NF1: variants seen among roughly 807,000 people sequenced by gnomAD.
NF1 encodes neurofibromin.
Under a neutral mutation model 325.7 loss-of-function variants are expected in NF1, and 122 were observed. The observed-to-expected ratio is 0.37, with a 90% confidence interval of 0.32 to 0.44. The LOEUF (loss-of-function observed/expected upper bound fraction) is 0.44, where lower values mean the gene tolerates loss of function less well. Ranked by LOEUF, NF1 falls within the 20% of genes least tolerant of loss-of-function variation. The probability of loss-of-function intolerance (pLI) is 1.00; values close to 1 mark genes in which losing one functional copy is unlikely to be tolerated. For synonymous variants in NF1, 1,091 were observed against 1,186.0 expected (o/e 0.92, Z 1.65); for missense variants, 2,140 against 3,415.4 (o/e 0.63, Z 9.31).
At chr17:31,192,386 C>G (rs2952990) in intron 8 of NF1, among the ~76,000 whole-genome samples, 106,693 of 152,024 alleles carry the variant, frequency 0.7, 37,692 homozygotes, top group Middle Eastern at 0.84. Context: ...TAGAAAGGCG[C>G]GACAACTCAA....
At chr17:31,341,645 A>C (rs1294617425) in intron 47 of NF1, among the ~76,000 whole-genome samples, 4 of 150,012 alleles carry the variant, frequency 2.7e-5, no homozygotes, top group Non-Finnish European at 5.9e-5. Context: ...TGTAAAATCC[A>C]ACTCCAATTA....
At position 31,285,877 on chromosome 17, in the gene NF1, C is replaced by G. The variant is rs368638917; in HGVS notation, c.4835+20538C>G. ...CTTAGTGGTATTTGAAAGGAACAGC[C>G]CCAGAGTTGTTTTCAGTAACGATGG... On this transcript the variant is annotated intron_variant, in intron 36 of 57. Coordinates refer to ENST00000358273, the MANE Select transcript of NF1 (RefSeq NM_001042492.3). Among the ~76,000 whole-genome samples the G allele has an allele frequency of 2.0e-5, 3 of 152,056 alleles. No individual in the cohort carries two copies. The East Asian group carries it at 5.8e-4, about 29-fold the overall frequency.
intron 36 of NF1, among the ~76,000 whole-genome samples, chr17:31,291,534 A>G (rs1358666448): frequency 6.6e-6 from 1 of 152,208 alleles, no homozygotes; most frequent in African/African-American, 2.4e-5. Flanking sequence ...TAATAGAAAT[A>G]TGTTATTCTT....
chr17:31,186,934 G>A (rs995382702), intron 8 of NF1, among the ~76,000 whole-genome samples: 2 of 152,308 alleles, frequency 1.3e-5, no homozygotes, highest in Middle Eastern at 3.4e-3. Context: ...ATTCCTCAGG[G>A]TGATCAGCCA....
intron 51 of NF1, 118 bp from the exon 52 acceptor site, chr17:31,356,338 GCTTT>G (rs1408882136): frequency 1.0e-5 from 10 of 975,304 alleles, no homozygotes; most frequent in African/African-American, 8.1e-5. Context: ...ATGTATTAGA[GCTTT>G]CTTTGAGTCC....
At chr17:31,304,492 A>G in intron 36 of NF1, 1 of 1,614,134 alleles carries the variant, frequency 6.2e-7, no homozygotes, top group Non-Finnish European at 8.5e-7. Context: ...AGATGGAGGG[A>G]GACTAGTAGA....
chr17:31,267,496 G>T (rs1412176987), intron 36 of NF1, among the ~76,000 whole-genome samples: 1 of 151,924 alleles, frequency 6.6e-6, no homozygotes, highest in Non-Finnish European at 1.5e-5. Context: ...TTTTCACCTG[G>T]TGTGAAGCCT....
chr17:31,359,014 A>C lies in NF1; in HGVS notation c.8159A>C (p.Lys2720Thr). 6.2e-7 allele frequency: 1 copy of C among 1,613,548 alleles called. No homozygotes were observed. The highest frequency in any genetic ancestry group is 8.5e-7 in the Non-Finnish European group (1 of 1,179,658). ...TGGCGGTTTGCAGGACCGTTTTCAA[A>C]GGTAAGAAAATATATTTTTCTCTAA... ...GLWRFAGPFS[K>T]QTQIPDYAEL... Residue 2720 changes from lysine (K) to threonine (T), a missense_variant and splice_region_variant, in exon 56 of 58, where the codon AAG becomes ACG. Transcript: ENST00000358273.
Position 31,218,921 on chromosome 17 carries a change from G to A in NF1, c.1528-84G>A, listed in dbSNP as rs184028665. 5,358 of 1,351,324 alleles carry A rather than the reference G, an allele frequency of 4.0e-3. 21 individuals carry two copies. Among genetic ancestry groups the A allele is most frequent in the Non-Finnish European group, 5.1e-3 (4,979 of 967,728 alleles). The allele number at this position is 1,351,324 out of a possible 1,614,324, so 83.7% of individuals were successfully genotyped here. A position where few individuals can be genotyped will look rare whatever the true frequency, so the allele number is the denominator to read the frequency against. ...CCTAAAAGAAACTTGGTACCCTTTAGCAGTCACTGTCTATTTCTTCCTCCT... is the reference window on the plus strand; with the variant it reads ...CCTAAAAGAAACTTGGTACCCTTTAACAGTCACTGTCTATTTCTTCCTCCT... On this transcript the variant is annotated intron_variant, in intron 13 of 57. Coordinates refer to ENST00000358273, the MANE Select transcript of NF1 (RefSeq NM_001042492.3).
rs1380991753 is a variant in NF1, at chr17:31,202,227, A to G, written c.1260+742A>G. Among the ~76,000 whole-genome samples, 9 of 152,290 alleles carry G rather than the reference A, an allele frequency of 5.9e-5. No homozygotes were observed. In the East Asian group the frequency reaches 1.5e-3, roughly 26 times the overall value. On this transcript the variant is annotated intron_variant, in intron 11 of 57. Transcript: ENST00000358273. ...TGAAAGTTTTCAAGTGTTATTTTCC[A>G]TTGTTCCACTTTTATCAAATGATAC...
In NF1 at chr17:31,232,860, A is replaced by G. The variant is rs2067138274; in HGVS notation, c.3475A>G (p.Ser1159Gly). 1 of 1,614,172 alleles carries G rather than the reference A, an allele frequency of 6.2e-7. No homozygotes were observed. The highest frequency in any genetic ancestry group is 8.5e-7 in the Non-Finnish European group (1 of 1,180,018). ...AAACTTACTCAATGCCAACGTAGAC[A>G]GTGGTCTCATGCACTCCATAGGTGA... is the stretch of plus-strand genomic sequence containing the variant. Reference protein sequence around the residue: ...MSNLLNANVDSGLMHSIGLGY... With the variant: ...MSNLLNANVDGGLMHSIGLGY... Residue 1159 changes from serine to glycine, a missense_variant, in exon 26 of 58, where the codon AGT becomes GGT. Ser to Gly is a moderately conservative substitution (Grantham distance 56). This residue lies in a region of NF1 where 380 missense variants were observed against 639.3 expected (regional missense o/e 0.59). Coordinates refer to ENST00000358273, the MANE Select transcript of NF1 (RefSeq NM_001042492.3).
chr17:31,152,449 T>G (rs1917011843), intron 1 of NF1, among the ~76,000 whole-genome samples: 1 of 150,674 alleles, frequency 6.6e-6, no homozygotes, highest in Non-Finnish European at 1.5e-5. Flanking sequence ...GTATGTTGAA[T>G]CTTCTTTTTC....
At chr17:31,337,164 G>T (rs1048186262) in intron 42 of NF1, among the ~76,000 whole-genome samples, 5 of 152,144 alleles carry the variant, frequency 3.3e-5, no homozygotes, top group Non-Finnish European at 5.9e-5. Context: ...AGTGCCAGTT[G>T]ACCATGTTCA....
At chr17:31,252,720 T>C (rs993452490) in intron 30 of NF1, 1 of 551,738 alleles carries the variant, frequency 1.8e-6, no homozygotes, top group African/African-American at 1.9e-5. Flanking sequence ...TGATTGGGTC[T>C]CAACATTTCT....
rs2070375768 is a variant in NF1, at chr17:31,360,619, G to A, written c.8293G>A (p.Ala2765Thr). ...GACTCCCACATCTCCTTACCCTCCTGCACTGCAGAGCCAGCTTAGTATCAC... is the reference window on the plus strand; with the variant it reads ...GACTCCCACATCTCCTTACCCTCCTACACTGCAGAGCCAGCTTAGTATCAC... Reference protein sequence around the residue: ...LLTPTSPYPPALQSQLSITAN... With the variant: ...LLTPTSPYPPTLQSQLSITAN... The change falls in exon 57 of 58, where the codon GCA becomes ACA. Residue 2765 changes from alanine (A) to threonine (T), a missense_variant. Physicochemically the swap from Ala to Thr is moderately conservative, Grantham distance 58. Coordinates refer to ENST00000358273, the MANE Select transcript of NF1 (RefSeq NM_001042492.3). 6.2e-7 allele frequency: 1 copy of A among 1,614,050 alleles called. No individual in the cohort carries two copies. Among genetic ancestry groups the A allele is most frequent in the Non-Finnish European group, 8.5e-7 (1 of 1,180,002 alleles).
rs754096545 is a variant in NF1 at position 31,163,364 on chromosome 17, G to T, written c.467G>T (p.Arg156Leu). ...AACAACTTCAATGCAGTCTTTAGTC[G>T]CATTTCTACCAGGTTAGTGTGTAAA... ...SCNNFNAVFS[R>L]ISTRLQELTV... Residue 156 changes from arginine (R) to leucine (L), a missense_variant, in exon 4 of 58, where the codon CGC (arginine) becomes CTC (leucine). Coordinates refer to ENST00000358273, the MANE Select transcript of NF1 (RefSeq NM_001042492.3). The T allele has an allele frequency of 1.9e-6, 3 of 1,613,964 alleles. No individual in the cohort carries two copies. The highest frequency in any genetic ancestry group is 2.2e-5 in the East Asian group (1 of 44,878).
intron 36 of NF1, among the ~76,000 whole-genome samples, chr17:31,302,247 C>CA (rs1567882351): frequency 6.6e-6 from 1 of 152,142 alleles, no homozygotes; most frequent in Non-Finnish European, 1.5e-5. Flanking sequence ...TTAAAGATAT[C>CA]AGACAACACT....
At chr17:31,305,273 C>T in intron 36 of NF1, 2 of 1,614,016 alleles carry the variant, frequency 1.2e-6, no homozygotes. Flanking sequence ...GAGGTGTTGG[C>T]TATTGGTGTT....
rs878853916 is a variant in NF1, at chr17:31,350,310, T to C, written c.7449T>C (p.Pro2483=). ...MDTYPIHHGD[P]SYRTLKETQP... Reference sequence around the variant, plus strand: ...CATATCCCATTCATCATGGTGACCCTTCCTATAGGTAAGTGGATTTACTCT... The same window carrying C: ...CATATCCCATTCATCATGGTGACCCCTCCTATAGGTAAGTGGATTTACTCT... Residue 2483 remains proline (P), a synonymous_variant, in exon 50 of 58, where the codon CCT becomes CCC. Transcript: ENST00000358273. 9 of 1,612,192 alleles carry C rather than the reference T, an allele frequency of 5.6e-6. No individual in the cohort carries two copies. The highest frequency in any genetic ancestry group is 1.6e-4 in the Middle Eastern group (1 of 6,080).
Sources: gnomAD v4.1 joint callset for allele counts (sites outside exome capture counted in the v4.1 genomes callset) on GRCh38, gnomAD v4.1.1 for gene constraint, gnomAD v4.1.1 regional missense constraint, MANE v1.5 for transcripts, NCBI Gene and HGNC (gene_info 2026-07-23, HGNC 2026-07-21) for gene names.